WWOX: variants seen among roughly 807,000 people sequenced by gnomAD.
WWOX encodes WW domain containing oxidoreductase.
Under a neutral mutation model 46.2 loss-of-function variants are expected in WWOX, and 69 were observed. The observed-to-expected ratio is 1.49, with a 90% CI of 1.23 to 1.82. The LOEUF is 1.82. Among genes scored for constraint, WWOX ranks in the 40% most tolerant of loss-of-function variants. WWOX has a pLI of 0.00. For missense variants in WWOX, 919 were observed against 542.6 expected, an observed-to-expected ratio of 1.69 and a Z score of -6.89; for synonymous variants, 359 against 202.6, an observed-to-expected ratio of 1.77 and a Z score of -6.56.
chr16:78,134,617 T>G (rs2033724886), intron 4 of WWOX, among the ~76,000 whole-genome samples: 1 of 152,202 alleles, frequency 6.6e-6, no homozygotes, highest in South Asian at 2.1e-4. Context: ...CTTGGAAACA[T>G]CAGGCATTTG....
chr16:78,294,058 T>G (rs1254781692), intron 5 of WWOX, among the ~76,000 whole-genome samples: 1 of 151,148 alleles, frequency 6.6e-6, no homozygotes, highest in Non-Finnish European at 1.5e-5. Flanking sequence ...CCCTTCGTGT[T>G]TAGCAATTTG....
chr16:78,803,156 A>G (rs967933272), intron 8 of WWOX, among the ~76,000 whole-genome samples: 2 of 151,940 alleles, frequency 1.3e-5, no homozygotes, highest in African/African-American at 4.8e-5. Flanking sequence ...GTTCTGATTT[A>G]TTCCACTCAC....
intron 8 of WWOX, among the ~76,000 whole-genome samples, chr16:78,929,134 C>A (rs2045564737): frequency 6.6e-6 from 1 of 152,072 alleles, no homozygotes; most frequent in Non-Finnish European, 1.5e-5. Context: ...CTCAAGAAAT[C>A]CATTTAAGAA....
rs1177712336 is a variant in WWOX at position 78,402,416 on chromosome 16, G to A, written c.605+15468G>A. Among the ~76,000 whole-genome samples, 3 of 152,130 alleles carry A rather than the reference G, an allele frequency of 2.0e-5. No homozygotes were observed. In the East Asian group the frequency reaches 5.8e-4, roughly 29 times the overall value. ...CTGTTGTTCCTACTTTTTGGCTACT[G>A]TAAAAGATGCTGCTATGAACATTAT... On this transcript the variant is annotated intron_variant, in intron 6 of 8. Coordinates refer to ENST00000566780, the MANE Select transcript of WWOX (RefSeq NM_016373.4).
intron 5 of WWOX, among the ~76,000 whole-genome samples, chr16:78,321,044 T>C (rs569935725): frequency 2.0e-5 from 3 of 152,148 alleles, no homozygotes; most frequent in African/African-American, 4.8e-5. Context: ...AGATGGCATA[T>C]GAGAATACTC....
chr16:78,946,040 T>C (rs1339661260), intron 8 of WWOX, among the ~76,000 whole-genome samples: 3 of 152,174 alleles, frequency 2.0e-5, no homozygotes, highest in Non-Finnish European at 4.4e-5. Context: ...CACTTCGCAA[T>C]GAAGCTGTGC....
intron 8 of WWOX, among the ~76,000 whole-genome samples, chr16:78,797,463 A>G (rs990761572): frequency 2.0e-5 from 3 of 151,502 alleles, no homozygotes; most frequent in African/African-American, 7.3e-5. Context: ...ACCCATTCCC[A>G]TTGCTCTAAT....
At chr16:78,803,269 C>A (rs2050943826) in intron 8 of WWOX, among the ~76,000 whole-genome samples, 1 of 151,506 alleles carries the variant, frequency 6.6e-6, no homozygotes. Flanking sequence ...CTCCAAACCA[C>A]CACGTGCTCT....
chr16:78,763,033 C>A (rs2049831867), intron 8 of WWOX, among the ~76,000 whole-genome samples: 1 of 152,172 alleles, frequency 6.6e-6, no homozygotes, highest in South Asian at 2.1e-4. Flanking sequence ...CTGAGTACGA[C>A]TCTGGGACTT....
At chr16:78,464,768 A>G (rs529230977) in intron 8 of WWOX, among the ~76,000 whole-genome samples, 116 of 152,252 alleles carry the variant, frequency 7.6e-4, no homozygotes, top group Non-Finnish European at 1.4e-3. Flanking sequence ...TTTTGGAGAA[A>G]TGGCCACTGC....
intron 7 of WWOX, among the ~76,000 whole-genome samples, chr16:78,427,826 C>T (rs753265105): frequency 2.0e-5 from 3 of 151,812 alleles, no homozygotes; most frequent in South Asian, 2.1e-4. Flanking sequence ...ATAGGCCAGG[C>T]ACAGTGTCTC....
chr16:78,367,701 A>G (rs1334224526), intron 5 of WWOX, among the ~76,000 whole-genome samples: 1 of 151,666 alleles, frequency 6.6e-6, no homozygotes, highest in Non-Finnish European at 1.5e-5. Context: ...TTGGAAGGAG[A>G]ATTGACTTGT....
intron 8 of WWOX, among the ~76,000 whole-genome samples, chr16:78,717,190 A>G (rs1035280775): frequency 1.3e-5 from 2 of 152,298 alleles, no homozygotes; most frequent in South Asian, 4.1e-4. Context: ...GACCTAGACT[A>G]TACCAAGAGT....
intron 8 of WWOX, among the ~76,000 whole-genome samples, chr16:78,585,962 C>T (rs746809564): frequency 4.0e-5 from 6 of 151,826 alleles, no homozygotes; most frequent in African/African-American, 9.7e-5. Flanking sequence ...TTTTGGAGGC[C>T]GAGACTCGGG....
At chr16:78,328,277 T>G (rs1352980426) in intron 5 of WWOX, among the ~76,000 whole-genome samples, 1 of 152,230 alleles carries the variant, frequency 6.6e-6, no homozygotes, top group East Asian at 1.9e-4. Context: ...TGTCGTGGTC[T>G]TGTTTATAAT....
intron 8 of WWOX, among the ~76,000 whole-genome samples, chr16:79,034,102 G>C (rs1380185305): frequency 6.6e-6 from 1 of 152,188 alleles, no homozygotes; most frequent in Non-Finnish European, 1.5e-5. Flanking sequence ...CCAGGGAACT[G>C]AATGGGATGC....
intron 8 of WWOX, among the ~76,000 whole-genome samples, chr16:78,635,395 C>T (rs1272328624): frequency 2.6e-5 from 4 of 152,078 alleles, no homozygotes; most frequent in African/African-American, 7.2e-5. Context: ...GACTGCTCAT[C>T]TGGGAGGAAC....
intron 4 of WWOX, among the ~76,000 whole-genome samples, chr16:78,161,422 C>G (rs1226931971): frequency 6.6e-6 from 1 of 151,006 alleles, no homozygotes; most frequent in South Asian, 2.1e-4. Flanking sequence ...TTCTCTCTCT[C>G]TCTCTCTTTC....
At chr16:78,826,763 A>G (rs1326835395) in intron 8 of WWOX, among the ~76,000 whole-genome samples, 5 of 152,170 alleles carry the variant, frequency 3.3e-5, no homozygotes, top group African/African-American at 1.2e-4. Flanking sequence ...TCAACCCACA[A>G]TAAGAGCACA....
Sources: allele counts gnomAD v4.1 joint callset (sites outside exome capture counted in the v4.1 genomes callset), GRCh38; gene constraint gnomAD v4.1.1; transcripts MANE v1.5; gene names NCBI Gene and HGNC (gene_info 2026-07-23, HGNC 2026-07-21).